The following MYRIP variants were observed in gnomAD, a reference collection of about 807,000 sequenced individuals.
The protein encoded by MYRIP is myosin VIIA and Rab interacting protein.
MYRIP carries 49 observed loss-of-function variants against 98.0 expected under a neutral mutation model. That is an observed-to-expected ratio of 0.50 (90% CI 0.40 to 0.63). The LOEUF is 0.63. Ranked by LOEUF, MYRIP falls within the 30% of genes least tolerant of loss-of-function variation. The pLI is 0.00. For synonymous variants in MYRIP, 404 were observed against 409.5 expected, an observed-to-expected ratio of 0.99 and a Z score of 0.16; for missense variants, 1,004 against 1,058.2, an observed-to-expected ratio of 0.95 and a Z score of 0.71.
chr3:40,174,154 T>A (rs1349097419), intron 8 of MYRIP: 1 of 152,196 alleles, frequency 6.6e-6, no homozygotes, highest in Admixed American at 6.5e-5. Context: ...ACACATACCC[T>A]TGGGTGAGCA....
intron 3 of MYRIP, among the ~76,000 whole-genome samples, chr3:40,082,277 C>T (rs1948494581): frequency 6.6e-6 from 1 of 152,166 alleles, no homozygotes. Flanking sequence ...ATCAGTGTAT[C>T]AAAGAGATAA....
intron 1 of MYRIP, among the ~76,000 whole-genome samples, chr3:39,812,318 T>A (rs1250770060): frequency 1.3e-5 from 2 of 152,228 alleles, no homozygotes; most frequent in African/African-American, 4.8e-5. Flanking sequence ...TGAGACTTCT[T>A]GATGATTTTC....
chr3:39,933,512 TG>T (rs1240322058), intron 2 of MYRIP, among the ~76,000 whole-genome samples: 1 of 152,242 alleles, frequency 6.6e-6, no homozygotes, highest in Admixed American at 6.5e-5. Flanking sequence ...TGCATTTCAC[TG>T]TCTAAAACTT....
chr3:40,154,831 C>G (rs1258977179), intron 4 of MYRIP, among the ~76,000 whole-genome samples: 1 of 151,908 alleles, frequency 6.6e-6, no homozygotes, highest in Non-Finnish European at 1.5e-5. Context: ...CTAAAAGAAG[C>G]ACTACATGAA....
At chr3:40,036,699 A>G (rs1405607820) in intron 2 of MYRIP, among the ~76,000 whole-genome samples, 1 of 152,094 alleles carries the variant, frequency 6.6e-6, no homozygotes, top group Non-Finnish European at 1.5e-5. Context: ...AAGCATTGAT[A>G]CTTAGATGAA....
chr3:40,209,988 T>C lies in MYRIP; in HGVS notation c.1800T>C (p.Ser600=). The change falls in exon 11 of 17, where the codon TCT becomes TCC. Residue 600 remains serine, a synonymous_variant. Transcript: ENST00000302541. ...TGAAAATGAGTGAAAAGGAGACTTC[T>C]TCAGGGGAGGATCAGGAGTCTGAGC... is the stretch of plus-strand genomic sequence containing the variant. ...LAMKMSEKET[S]SGEDQESEPK... 6.2e-7 allele frequency: 1 copy of C among 1,614,046 alleles called. No homozygotes were observed. Among genetic ancestry groups the C allele is most frequent in the Non-Finnish European group, 8.5e-7 (1 of 1,179,974 alleles).
chr3:40,080,482 A>C (rs1375372125), intron 3 of MYRIP, among the ~76,000 whole-genome samples: 1 of 152,066 alleles, frequency 6.6e-6, no homozygotes, highest in Non-Finnish European at 1.5e-5. Flanking sequence ...AAAAAGAAAA[A>C]AAGTGTATAT....
At chr3:40,093,812 C>T (rs1004767925) in intron 3 of MYRIP, among the ~76,000 whole-genome samples, 5 of 152,246 alleles carry the variant, frequency 3.3e-5, no homozygotes, top group African/African-American at 1.2e-4. Flanking sequence ...TTGCTTTAAA[C>T]TCCTAACTAT....
chr3:40,113,135 GAAAATAAAGGTCTTTGTTTGTT>G (rs1949195130), intron 3 of MYRIP, among the ~76,000 whole-genome samples: 1 of 152,166 alleles, frequency 6.6e-6, no homozygotes, highest in African/African-American at 2.4e-5. Flanking sequence ...CAATGCAAAA[GAAAATAAAGGTCTTTGTTTGTT>G]TTCTGAGATG....
intron 1 of MYRIP, among the ~76,000 whole-genome samples, chr3:39,818,297 A>G (rs1575269461): frequency 6.6e-6 from 1 of 152,340 alleles, no homozygotes; most frequent in Non-Finnish European, 1.5e-5. Context: ...CCAAATTCCC[A>G]TGCCTTGCCT....
chr3:40,142,333 A>G (rs542032914), intron 3 of MYRIP, among the ~76,000 whole-genome samples: 2 of 152,108 alleles, frequency 1.3e-5, no homozygotes, highest in South Asian at 2.1e-4. Context: ...GATTACAGGC[A>G]TAAGCCACCG....
At position 40,247,666 on chromosome 3, in the gene MYRIP, GGCAC is replaced by G. The variant is rs544996118; in HGVS notation, c.2263-2551_2263-2548del. 1.7e-3 allele frequency among the ~76,000 whole-genome samples: 263 copies of G among 152,282 alleles called. 1 individual carries two copies. Among genetic ancestry groups the G allele is most frequent in the African/African-American group, 5.8e-3 (243 of 41,554 alleles). The stretch of plus-strand genomic sequence containing the variant: ...AGCCTCCCGAGTAGCTGGGATTACA[GGCAC>G]GCACCACCACGTCCAGCTAATTTTT... On this transcript the variant is annotated intron_variant, in intron 13 of 16. Transcript: ENST00000302541.
At chr3:39,947,377 GA>G (rs985074538) in intron 2 of MYRIP, among the ~76,000 whole-genome samples, 1 of 151,616 alleles carries the variant, frequency 6.6e-6, no homozygotes, top group Non-Finnish European at 1.5e-5. Context: ...CTTGTTTCCT[GA>G]AAAAAATGAA....
chr3:39,820,290 T>A lies in MYRIP; in HGVS notation c.-31+10374T>A, dbSNP rs1941066145. On this transcript the variant is annotated intron_variant, in intron 1 of 16. Transcript: ENST00000302541. ...GAAATGTAACTATCTCAAAGTGTGT[T>A]GGGTCATTTTCTAGTCTGTCAAGCC... Among the ~76,000 whole-genome samples the A allele has an allele frequency of 3.3e-5, 5 of 152,342 alleles. No homozygotes were observed. The South Asian group carries it at 1.0e-3, about 32-fold the overall frequency.
At chr3:39,821,316 A>C (rs766984382) in intron 1 of MYRIP, among the ~76,000 whole-genome samples, 1 of 142,282 alleles carries the variant, frequency 7.0e-6, no homozygotes. Context: ...TCCACTGCCC[A>C]CCCCCGACCC....
At chr3:40,145,743 C>T (rs145886474) in intron 3 of MYRIP, among the ~76,000 whole-genome samples, 2 of 152,276 alleles carry the variant, frequency 1.3e-5, no homozygotes, top group African/African-American at 2.4e-5. Flanking sequence ...ATCACAGAAC[C>T]GTTTTTAATG....
intron 11 of MYRIP, among the ~76,000 whole-genome samples, chr3:40,224,926 T>G (rs200283988): frequency 1.3e-5 from 2 of 152,256 alleles, no homozygotes; most frequent in East Asian, 3.8e-4. Flanking sequence ...GAATGTATTT[T>G]GACGGGTTTT....
At chr3:40,025,332 A>G (rs1320508098) in intron 2 of MYRIP, among the ~76,000 whole-genome samples, 1 of 152,178 alleles carries the variant, frequency 6.6e-6, no homozygotes, top group Non-Finnish European at 1.5e-5. Context: ...AATCTGTGGT[A>G]TCAAGGGCTC....
At chr3:39,919,692 T>G (rs200310264) in intron 2 of MYRIP, among the ~76,000 whole-genome samples, 4 of 134,638 alleles carry the variant, frequency 3.0e-5, no homozygotes, top group East Asian at 4.5e-4. Flanking sequence ...CGGGTATGTG[T>G]GGTGTGTGTG....
Sources: allele counts gnomAD v4.1 joint callset (sites outside exome capture counted in the v4.1 genomes callset), GRCh38; gene constraint gnomAD v4.1.1; transcripts MANE v1.5; gene names NCBI Gene and HGNC (gene_info 2026-07-23, HGNC 2026-07-21).